CAPN5: variants seen among roughly 807,000 people sequenced by gnomAD.
CAPN5 encodes calpain-5.
Under a neutral mutation model 73.0 loss-of-function variants are expected in CAPN5, and 54 were observed. The ratio of observed to expected loss-of-function variants is 0.74; its 90% CI spans 0.59 to 0.93. CAPN5 has a LOEUF of 0.93. CAPN5 is among the 40% of genes least tolerant of loss of function. The pLI is 0.00. For missense variants in CAPN5, 785 were observed against 882.9 expected (o/e 0.89, Z 1.41); for synonymous variants, 335 against 356.9 (o/e 0.94, Z 0.69).
rs368891933 is a variant in CAPN5, at chr11:77,085,036, G to A, written c.150G>A (p.Arg50=). The change falls in exon 2 of 13, where the codon AGG becomes AGA. Residue 50 remains arginine, a synonymous_variant. Transcript: ENST00000648180. ...YYKGTPGPAV[R]WKRPKGICED... Reference sequence around the variant, plus strand: ...AGGGCACGCCGGGGCCCGCCGTCAGGTGGAAGCGACCCAAGGTCAGTGTCT... The same window carrying A: ...AGGGCACGCCGGGGCCCGCCGTCAGATGGAAGCGACCCAAGGTCAGTGTCT... The A allele has an allele frequency of 2.9e-5, 46 of 1,613,332 alleles. No individual in the cohort carries two copies. Among genetic ancestry groups the A allele is most frequent in the African/African-American group, 4.0e-5 (3 of 74,960 alleles).
chr11:77,093,111 C>T (rs555745340), intron 2 of CAPN5, among the ~76,000 whole-genome samples: 8 of 152,262 alleles, frequency 5.3e-5, no homozygotes, highest in East Asian at 1.9e-4. Context: ...GACAACTCCT[C>T]GCTCCTTGGG....
Position 77,116,285 on chromosome 11 carries a change from A to C in CAPN5, c.953A>C (p.Gln318Pro). 6.2e-7 allele frequency: 1 copy of C among 1,613,578 alleles called. No homozygotes were observed. ...SEREKMGVTV[Q>P]DDGEFWMTFE... Reference sequence around the variant, plus strand: ...CGGGAGAAGATGGGTGTGACCGTGCAGGACGACGGTGAGTTCTGGTGAGTG... The same window carrying C: ...CGGGAGAAGATGGGTGTGACCGTGCCGGACGACGGTGAGTTCTGGTGAGTG... Residue 318 changes from glutamine (Q) to proline (P), a missense_variant, in exon 7 of 13, where the codon CAG becomes CCG. Physicochemically the swap from Gln to Pro is moderately conservative, Grantham distance 76. Coordinates refer to ENST00000648180, the MANE Select transcript of CAPN5 (RefSeq NM_004055.5).
chr11:77,089,245 C>T (rs1248472858), intron 2 of CAPN5, among the ~76,000 whole-genome samples: 1 of 152,202 alleles, frequency 6.6e-6, no homozygotes, highest in Non-Finnish European at 1.5e-5. Flanking sequence ...CAGTGTCTGC[C>T]TCAGGACACT....
At chr11:77,086,787 G>A (rs1950090337) in intron 2 of CAPN5, among the ~76,000 whole-genome samples, 1 of 152,220 alleles carries the variant, frequency 6.6e-6, no homozygotes, top group Non-Finnish European at 1.5e-5. Context: ...TTAGGTCCGT[G>A]GCTCCGAAAA....
chr11:77,122,537 A>G, intron 11 of CAPN5, 39 bp from the exon 12 acceptor site: 2 of 427,576 alleles, frequency 4.7e-6, no homozygotes, highest in Non-Finnish European at 8.8e-6. Context: ...CACAGCCCCC[A>G]CCCCCACCCT....
At chr11:77,121,163 C>A (rs1555042741) in intron 10 of CAPN5, among the ~76,000 whole-genome samples, 2 of 152,244 alleles carry the variant, frequency 1.3e-5, no homozygotes, top group African/African-American at 4.8e-5. Context: ...TCTTGATCTT[C>A]CTGCATCCCT....
intron 3 of CAPN5, among the ~76,000 whole-genome samples, chr11:77,107,079 A>C (rs974021279): frequency 6.6e-6 from 1 of 152,182 alleles, no homozygotes; most frequent in Non-Finnish European, 1.5e-5. Context: ...TCTGTGGTGC[A>C]TCGACACCCT....
intron 1 of CAPN5, among the ~76,000 whole-genome samples, chr11:77,067,847 G>A (rs1429539202): frequency 6.6e-6 from 1 of 152,084 alleles, no homozygotes; most frequent in Non-Finnish European, 1.5e-5. Context: ...GTCATTTCAT[G>A]TGGTGGGATT....
At chr11:77,121,866 C>G in intron 10 of CAPN5, 68 bp from the exon 11 acceptor site, 1 of 781,604 alleles carries the variant, frequency 1.3e-6, no homozygotes, top group Non-Finnish European at 2.0e-6. Context: ...ACTTCCTGAA[C>G]CCCCTCTTCA....
At chr11:77,098,820 CG>C (rs1351922566) in intron 3 of CAPN5, among the ~76,000 whole-genome samples, 2 of 129,086 alleles carry the variant, frequency 1.5e-5, no homozygotes, top group Admixed American at 7.6e-5. Context: ...GCTGGCCGGG[CG>C]GGGGGCTGAC....
At chr11:77,092,904 T>G (rs1479293102) in intron 2 of CAPN5, among the ~76,000 whole-genome samples, 2 of 151,982 alleles carry the variant, frequency 1.3e-5, no homozygotes, top group African/African-American at 4.8e-5. Flanking sequence ...GAGCTGGAGG[T>G]TGCAGTGAGC....
At chr11:77,112,942 C>T in intron 4 of CAPN5, 145 bp downstream of exon 4, 1 of 743,090 alleles carries the variant, frequency 1.3e-6, no homozygotes, top group East Asian at 2.7e-5. Flanking sequence ...AACCGCCAGG[C>T]CTGAGGGCAT....
intron 1 of CAPN5, among the ~76,000 whole-genome samples, chr11:77,075,207 C>T (rs1332635090): frequency 1.3e-5 from 2 of 152,192 alleles, no homozygotes; most frequent in Admixed American, 6.5e-5. Context: ...CACCCCTCCC[C>T]TCCCCTTTTT....
rs1201027813 is a variant in CAPN5 at position 77,124,788 on chromosome 11, C to G, written c.*918C>G. 1 of 152,166 alleles carries G rather than the reference C, an allele frequency of 6.6e-6. No homozygotes were observed. The highest frequency in any genetic ancestry group is 6.5e-5 in the Admixed American group (1 of 15,286). 9.4% of individuals were successfully genotyped at this position (152,166 alleles called of 1,614,324 possible). ...TCTCTGCTGTAAGACCCCAGCTTTT[C>G]CTGGAAGATGGGACTCTGGGGTGTG... is the stretch of plus-strand genomic sequence containing the variant. On this transcript the variant is annotated 3_prime_UTR_variant, in exon 13 of 13. Coordinates refer to ENST00000648180, the MANE Select transcript of CAPN5 (RefSeq NM_004055.5).
chr11:77,094,478 G>A (rs1283220697), intron 3 of CAPN5, among the ~76,000 whole-genome samples: 1 of 152,218 alleles, frequency 6.6e-6, no homozygotes, highest in African/African-American at 2.4e-5. Flanking sequence ...TTGGCAGCAG[G>A]GCCTTAGATT....
At chr11:77,105,373 C>G (rs1555039700) in intron 3 of CAPN5, among the ~76,000 whole-genome samples, 4 of 152,152 alleles carry the variant, frequency 2.6e-5, no homozygotes, top group African/African-American at 9.7e-5. Flanking sequence ...TGAGGCTGGC[C>G]AGGAGCCTCC....
rs782467008 is a variant in CAPN5 at position 77,102,880 on chromosome 11, C to T, written c.297+9067C>T. 8.1e-6 allele frequency: 13 copies of T among 1,610,684 alleles called. No individual in the cohort carries two copies. The highest frequency in any genetic ancestry group is 2.2e-5 in the East Asian group (1 of 44,836). On this transcript the variant is annotated intron_variant, in intron 3 of 12. Transcript: ENST00000648180. ...CCGCAGCAGCCGCAGCTGGACATGC[C>T]GCTGGTCCTGGACCAGGGCCTGACC...
intron 3 of CAPN5, among the ~76,000 whole-genome samples, chr11:77,094,689 T>C (rs1447278811): frequency 1.3e-5 from 2 of 152,142 alleles, no homozygotes; most frequent in Admixed American, 6.5e-5. Flanking sequence ...CCTCAGCACT[T>C]GGTAGCTTTG....
At position 77,126,153 on chromosome 11, in the gene CAPN5, A is replaced by G. The variant is rs1342981771; in HGVS notation, c.*2283A>G. ...CTCAATAAATCTTACAAAATTCCAA[A>G]AAGACTTTCCTGTGTCCCTCTGTCC... is the stretch of plus-strand genomic sequence containing the variant. On this transcript the variant is annotated 3_prime_UTR_variant, in exon 13 of 13. Transcript: ENST00000648180. 1 of 152,176 alleles carries G rather than the reference A, an allele frequency of 6.6e-6. No individual in the cohort carries two copies. Among genetic ancestry groups the G allele is most frequent in the Non-Finnish European group, 1.5e-5 (1 of 68,036 alleles). The allele number at this position is 152,176 out of a possible 1,614,324, so 9.4% of individuals were successfully genotyped here. A position where few individuals can be genotyped will look rare whatever the true frequency, so the allele number is the denominator to read the frequency against.
Sources: allele counts gnomAD v4.1 joint callset (sites outside exome capture counted in the v4.1 genomes callset), GRCh38; gene constraint gnomAD v4.1.1; transcripts MANE v1.5; gene names NCBI Gene and HGNC (gene_info 2026-07-23, HGNC 2026-07-21).